Variants in ABHD5 observed in about 807,000 individuals in gnomAD.
ABHD5 encodes the protein 1-acylglycerol-3-phosphate O-acyltransferase ABHD5.
ABHD5 carries 30 observed loss-of-function variants against 44.9 expected under a neutral mutation model. The observed-to-expected ratio is 0.67, with a 90% CI of 0.50 to 0.91. ABHD5 has a LOEUF of 0.91. ABHD5 is among the 40% of genes least tolerant of loss of function. The probability of loss-of-function intolerance (pLI) is 0.00; values close to 1 mark genes in which losing one functional copy is unlikely to be tolerated. For synonymous variants in ABHD5, 167 were observed against 147.0 expected, an observed-to-expected ratio of 1.14 and a Z score of -0.99; for missense variants, 399 against 423.4, an observed-to-expected ratio of 0.94 and a Z score of 0.50.
At chr3:43,703,371 G>A (rs2084569517) in intron 3 of ABHD5, among the ~76,000 whole-genome samples, 1 of 151,990 alleles carries the variant, frequency 6.6e-6, no homozygotes. Flanking sequence ...TAGAGATGGG[G>A]TTTCGCCATG....
downstream of ABHD5, among the ~76,000 whole-genome samples, chr3:43,723,640 A>T (rs1345690771): frequency 1.3e-5 from 2 of 152,240 alleles, no homozygotes; most frequent in Non-Finnish European, 2.9e-5. Flanking sequence ...CTCTACATCT[A>T]ATAAGTAAAA....
At chr3:43,694,655 C>T (rs1157439091) in intron 1 of ABHD5, among the ~76,000 whole-genome samples, 1 of 151,682 alleles carries the variant, frequency 6.6e-6, no homozygotes, top group African/African-American at 2.4e-5. Context: ...GTGTTACCAG[C>T]ACATGGCTTG....
chr3:43,709,369 C>T (rs1348786115), intron 3 of ABHD5, among the ~76,000 whole-genome samples: 1 of 152,086 alleles, frequency 6.6e-6, no homozygotes, highest in African/African-American at 2.4e-5. Flanking sequence ...GCATTTTCAC[C>T]TAGGGATGAA....
chr3:43,696,933 G>C (rs2084481125), intron 1 of ABHD5, among the ~76,000 whole-genome samples: 1 of 152,154 alleles, frequency 6.6e-6, no homozygotes, highest in Non-Finnish European at 1.5e-5. Context: ...TGATGAAAAT[G>C]CTTCTGTGAA....
At chr3:43,692,672 A>ATTGTTCCCAT (rs1559407910) in intron 1 of ABHD5, among the ~76,000 whole-genome samples, 1 of 152,136 alleles carries the variant, frequency 6.6e-6, no homozygotes, top group Non-Finnish European at 1.5e-5. Context: ...GCTGGGTATT[A>ATTGTTCCCAT]TTGTTCCCAT....
intron 2 of ABHD5, among the ~76,000 whole-genome samples, chr3:43,701,154 A>G (rs2084537814): frequency 3.3e-5 from 5 of 152,178 alleles, no homozygotes; most frequent in Admixed American, 3.3e-4. Flanking sequence ...TAATAGTTAT[A>G]CAGATGGTTT....
chr3:43,727,930 A>T (rs1254477543), intron 7 of ABHD5, among the ~76,000 whole-genome samples: 3 of 152,124 alleles, frequency 2.0e-5, no homozygotes, highest in Non-Finnish European at 4.4e-5. Flanking sequence ...ACTTTTAAAG[A>T]ATGAGGCCCC....
chr3:43,718,813 C>A lies in ABHD5; in HGVS notation c.*281C>A, dbSNP rs34226283. ...TTTGTCCCTCTGATGTACTGAAAAA[C>A]TGTAATTTTTCAGCTGAAAATTTTT... On this transcript the variant is annotated 3_prime_UTR_variant, in exon 7 of 7. Transcript: ENST00000644371. 0.045 allele frequency: 14,715 copies of A among 328,666 alleles called. 586 individuals are homozygous for A. The highest frequency in any genetic ancestry group is 0.12 in the East Asian group (2,007 of 16,650). 20.4% of individuals were successfully genotyped at this position (328,666 alleles called of 1,614,324 possible). A position where few individuals can be genotyped will look rare whatever the true frequency, so the allele number is the denominator to read the frequency against.
intron 2 of ABHD5, among the ~76,000 whole-genome samples, chr3:43,701,431 G>A (rs1276580932): frequency 1.3e-5 from 2 of 152,068 alleles, no homozygotes; most frequent in African/African-American, 2.4e-5. Flanking sequence ...AATAATTAAG[G>A]GGTATATCAA....
rs371990503 is a variant in ABHD5, at chr3:43,718,406, T to G, written c.961-37T>G. The G allele has an allele frequency of 7.1e-4, 1,096 of 1,544,388 alleles. 16 individuals carry two copies. In the South Asian group the frequency reaches 0.011, roughly 16 times the overall value. On this transcript the variant is annotated intron_variant, in intron 6 of 6. Coordinates refer to ENST00000644371, the MANE Select transcript of ABHD5 (RefSeq NM_016006.6). Reference sequence around the variant, plus strand: ...TATCATTCTGTTTTATTAAATGCTTTTACTCACTAACTGTCTGAATGCTTT... The same window carrying G: ...TATCATTCTGTTTTATTAAATGCTTGTACTCACTAACTGTCTGAATGCTTT...
At chr3:43,693,903 A>T (rs929360994) in intron 1 of ABHD5, among the ~76,000 whole-genome samples, 91 of 151,806 alleles carry the variant, frequency 6.0e-4, no homozygotes, top group African/African-American at 2.1e-3. Context: ...CCTCTTCTGT[A>T]CTCTGGTAAT....
At chr3:43,703,084 G>A (rs2084565640) in intron 3 of ABHD5, among the ~76,000 whole-genome samples, 2 of 151,722 alleles carry the variant, frequency 1.3e-5, no homozygotes, top group South Asian at 4.2e-4. Context: ...ATATCCCAGG[G>A]TTTTTTATTA....
chr3:43,718,362 CTAAG>C, intron 6 of ABHD5, 77 bp from the exon 7 acceptor site: 1 of 1,127,044 alleles, frequency 8.9e-7, no homozygotes, highest in South Asian at 1.2e-5. Flanking sequence ...ACTTTTATTA[CTAAG>C]TGTCTTTGCT....
At chr3:43,727,032 C>T (rs2084882227), downstream of ABHD5, among the ~76,000 whole-genome samples, 1 of 152,074 alleles carries the variant, frequency 6.6e-6, no homozygotes, top group Admixed American at 6.5e-5. Flanking sequence ...AGATTATATC[C>T]AGATTTTGGG....
intron 3 of ABHD5, among the ~76,000 whole-genome samples, 177 bp from the exon 4 acceptor site, chr3:43,711,532 T>G (rs2084688113): frequency 6.6e-6 from 1 of 152,368 alleles, no homozygotes; most frequent in Non-Finnish European, 1.5e-5. Flanking sequence ...TAGATCCTAC[T>G]GAATCTCAAA....
downstream of ABHD5, among the ~76,000 whole-genome samples, chr3:43,725,848 G>GTTTTGTTTT (rs2084873779): frequency 6.8e-6 from 1 of 146,816 alleles, no homozygotes; most frequent in African/African-American, 2.5e-5. Context: ...CTGTTTCCTA[G>GTTTTGTTTT]TTTTTTTTTT....
rs144814964 is a variant in ABHD5, at chr3:43,710,516, T to A, written c.507-1193T>A. Among the ~76,000 whole-genome samples the A allele has an allele frequency of 1.3e-3, 191 of 152,288 alleles. 1 individual carries two copies. Among genetic ancestry groups the A allele is most frequent in the Non-Finnish European group, 2.4e-3 (160 of 68,030 alleles). On this transcript the variant is annotated intron_variant, in intron 3 of 6. Transcript: ENST00000644371. ...CATGTAGTACATCTCAGCTTCCTTC[T>A]TATCTAAGATGATTGCACCCAATAT...
chr3:43,699,478 T>G, intron 2 of ABHD5, 117 bp downstream of exon 2: 3 of 993,010 alleles, frequency 3.0e-6, no homozygotes, highest in Non-Finnish European at 4.7e-6. Context: ...GCAAAATAAC[T>G]TTTTTCCTTT....
At chr3:43,700,804 C>T (rs1012892606) in intron 2 of ABHD5, among the ~76,000 whole-genome samples, 3 of 152,058 alleles carry the variant, frequency 2.0e-5, no homozygotes, top group Non-Finnish European at 2.9e-5. Flanking sequence ...GAACTCCTGA[C>T]CTCAGGTGAT....
Sources: allele counts gnomAD v4.1 joint callset (sites outside exome capture counted in the v4.1 genomes callset), GRCh38; gene constraint gnomAD v4.1.1; transcripts MANE v1.5; gene names NCBI Gene and HGNC (gene_info 2026-07-23, HGNC 2026-07-21).